Variants in SGMS1 observed in about 807,000 individuals in gnomAD.
SGMS1 encodes the protein phosphatidylcholine:ceramide cholinephosphotransferase 1.
Under a neutral mutation model 46.2 loss-of-function variants are expected in SGMS1, and 13 were observed. That is an observed-to-expected ratio of 0.28 (90% CI 0.18 to 0.45). The LOEUF is 0.45. Among genes scored for constraint, SGMS1 ranks in the 20% least tolerant of loss-of-function variants. The pLI, the probability that SGMS1 is intolerant of heterozygous loss-of-function variation, is 1.00. For synonymous variants in SGMS1, 203 were observed against 187.8 expected (o/e 1.08, Z -0.66); for missense variants, 324 against 519.9 (o/e 0.62, Z 3.66).
intron 3 of SGMS1, among the ~76,000 whole-genome samples, chr10:50,485,504 T>C (rs1444694571): frequency 6.6e-6 from 1 of 152,198 alleles, no homozygotes; most frequent in Non-Finnish European, 1.5e-5. Context: ...GCTATTCCTA[T>C]TAAACTACCA....
At chr10:50,392,681 A>C (rs543280101) in intron 6 of SGMS1, among the ~76,000 whole-genome samples, 1 of 152,352 alleles carries the variant, frequency 6.6e-6, no homozygotes, top group East Asian at 1.9e-4. Context: ...AAAAGTCAAC[A>C]GACAAAAGGT....
At chr10:50,455,517 C>T (rs564503784) in intron 5 of SGMS1, among the ~76,000 whole-genome samples, 1 of 152,242 alleles carries the variant, frequency 6.6e-6, no homozygotes, top group South Asian at 2.1e-4. Flanking sequence ...GTAAATTAGC[C>T]ATTGCAAACT....
intron 7 of SGMS1, among the ~76,000 whole-genome samples, chr10:50,333,898 AT>A (rs1847669225): frequency 6.6e-6 from 1 of 152,196 alleles, no homozygotes; most frequent in Non-Finnish European, 1.5e-5. Flanking sequence ...CTCAAACAAA[AT>A]TCACACCTTT....
At chr10:50,352,331 T>C (rs996880103) in intron 6 of SGMS1, among the ~76,000 whole-genome samples, 2 of 151,972 alleles carry the variant, frequency 1.3e-5, no homozygotes, top group African/African-American at 4.8e-5. Flanking sequence ...CAAAATATCA[T>C]ATCTAGACCC....
chr10:50,513,081 T>C (rs571608112), intron 3 of SGMS1, among the ~76,000 whole-genome samples: 51 of 152,316 alleles, frequency 3.3e-4, no homozygotes, highest in African/African-American at 1.2e-3. Context: ...AATGCTATTT[T>C]CCAAAAACAC....
At chr10:50,526,653 T>C (rs571677826) in intron 2 of SGMS1, among the ~76,000 whole-genome samples, 2 of 152,344 alleles carry the variant, frequency 1.3e-5, no homozygotes, top group African/African-American at 2.4e-5. Context: ...TTAGCTATTA[T>C]TACTGCCAAA....
At chr10:50,387,758 C>T (rs1467804738) in intron 6 of SGMS1, among the ~76,000 whole-genome samples, 4 of 152,180 alleles carry the variant, frequency 2.6e-5, no homozygotes, top group Non-Finnish European at 5.9e-5. Context: ...ATGAATCAAG[C>T]AGCCTCCCAA....
At chr10:50,339,257 G>A (rs1173970113) in intron 7 of SGMS1, among the ~76,000 whole-genome samples, 1 of 152,132 alleles carries the variant, frequency 6.6e-6, no homozygotes, top group Non-Finnish European at 1.5e-5. Context: ...CTGCATCAGG[G>A]TTCTCTCCCA....
intron 6 of SGMS1, among the ~76,000 whole-genome samples, chr10:50,388,921 G>A (rs1034722154): frequency 2.0e-5 from 3 of 152,138 alleles, no homozygotes; most frequent in Non-Finnish European, 2.9e-5. Flanking sequence ...CTAGAGCGCC[G>A]ATGTACAATA....
intron 2 of SGMS1, among the ~76,000 whole-genome samples, chr10:50,559,422 C>CA (rs1054918291): frequency 2.0e-5 from 3 of 152,132 alleles, no homozygotes; most frequent in African/African-American, 7.2e-5. Flanking sequence ...CAACCATATA[C>CA]AATAGATACT....
intron 2 of SGMS1, among the ~76,000 whole-genome samples, chr10:50,567,276 C>A (rs1389344926): frequency 6.6e-6 from 1 of 152,088 alleles, no homozygotes; most frequent in Admixed American, 6.5e-5. Context: ...GTATTGCTAT[C>A]TTTATTGGGG....
chr10:50,481,443 C>T (rs1837476116), intron 3 of SGMS1, among the ~76,000 whole-genome samples: 1 of 152,118 alleles, frequency 6.6e-6, no homozygotes, highest in East Asian at 1.9e-4. Context: ...AGCAGGCCTA[C>T]AGAAGAAGGG....
At chr10:50,421,002 C>T (rs984059373) in intron 6 of SGMS1, among the ~76,000 whole-genome samples, 7 of 152,134 alleles carry the variant, frequency 4.6e-5, no homozygotes, top group African/African-American at 1.7e-4. Context: ...AAGATGTTTC[C>T]AATAATCCTT....
At chr10:50,618,594 C>T (rs995951668) in intron 1 of SGMS1, among the ~76,000 whole-genome samples, 8 of 152,154 alleles carry the variant, frequency 5.3e-5, no homozygotes, top group Non-Finnish European at 1.0e-4. Flanking sequence ...CACTTTACAG[C>T]CACCAAACAT....
intron 2 of SGMS1, among the ~76,000 whole-genome samples, chr10:50,549,730 C>T (rs117780959): frequency 1.3e-4 from 20 of 152,284 alleles, no homozygotes; most frequent in Non-Finnish European, 2.6e-4. Flanking sequence ...CAGATCATTG[C>T]ACTAATTTGG....
intron 3 of SGMS1, among the ~76,000 whole-genome samples, chr10:50,480,509 C>G (rs1356702909): frequency 6.6e-6 from 1 of 152,056 alleles, no homozygotes; most frequent in Non-Finnish European, 1.5e-5. Flanking sequence ...CAGGGTGGAG[C>G]CATGGCACAC....
intron 6 of SGMS1, among the ~76,000 whole-genome samples, chr10:50,411,484 C>T (rs1416070933): frequency 6.6e-6 from 1 of 151,972 alleles, no homozygotes; most frequent in Non-Finnish European, 1.5e-5. Context: ...AAGTTGATGC[C>T]CAGGAGCCTT....
chr10:50,458,776 A>C (rs921795422), intron 5 of SGMS1, among the ~76,000 whole-genome samples: 1 of 152,142 alleles, frequency 6.6e-6, no homozygotes, highest in Non-Finnish European at 1.5e-5. Context: ...CGGTGATTTA[A>C]AATATTTTTC....
At chr10:50,408,643 A>G (rs1849056588) in intron 6 of SGMS1, among the ~76,000 whole-genome samples, 1 of 151,776 alleles carries the variant, frequency 6.6e-6, no homozygotes, top group Non-Finnish European at 1.5e-5. Context: ...AGATCACACC[A>G]CTGTACTTCA....
Sources: allele counts gnomAD v4.1 joint callset (sites outside exome capture counted in the v4.1 genomes callset), GRCh38; gene constraint gnomAD v4.1.1; transcripts MANE v1.5; gene names NCBI Gene and HGNC (gene_info 2026-07-23, HGNC 2026-07-21).